Variants in TMEM232 observed in about 807,000 individuals in gnomAD.
TMEM232 encodes the protein transmembrane protein 232.
In TMEM232, 80 loss-of-function variants were observed where a neutral mutation model predicts 78.8. The ratio of observed to expected loss-of-function variants is 1.01; its 90% CI spans 0.85 to 1.22. The LOEUF is 1.22. Ranked by LOEUF, TMEM232 falls within the 50% of genes most tolerant of loss-of-function variation. The pLI, the probability that TMEM232 is intolerant of heterozygous loss-of-function variation, is 0.00. For synonymous variants in TMEM232, 297 were observed against 254.3 expected, an observed-to-expected ratio of 1.17 and a Z score of -1.60; for missense variants, 881 against 742.2, an observed-to-expected ratio of 1.19 and a Z score of -2.17.
chr5:110,624,694 C>T (rs1306078066), intron 7 of TMEM232, among the ~76,000 whole-genome samples: 1 of 151,868 alleles, frequency 6.6e-6, no homozygotes, highest in East Asian at 1.9e-4. Flanking sequence ...AACACTTAGG[C>T]CCAGAAAGGT....
chr5:110,589,536 C>T (rs1779252605), intron 10 of TMEM232, among the ~76,000 whole-genome samples: 1 of 152,114 alleles, frequency 6.6e-6, no homozygotes, highest in Non-Finnish European at 1.5e-5. Context: ...TATAGGGAGG[C>T]AGTTATTAGT....
In TMEM232 at chr5:110,461,921, T is replaced by G. The variant is rs537768521; in HGVS notation, c.1704-37005A>C. On this transcript the variant is annotated intron_variant, in intron 12 of 13. Transcript: ENST00000455884. ...ATGTATTTCAAAATGTTATTGCCCA[T>G]TGACAATGCACCTAGTTATCCAAAA... Among the ~76,000 whole-genome samples the G allele has an allele frequency of 7.2e-5, 11 of 152,190 alleles. No homozygotes were observed. The South Asian group carries it at 2.3e-3, about 32-fold the overall frequency.
chr5:110,509,054 ATG>A (rs1767371788), intron 12 of TMEM232, among the ~76,000 whole-genome samples: 1 of 146,660 alleles, frequency 6.8e-6, no homozygotes, highest in Non-Finnish European at 1.5e-5. Flanking sequence ...ATGTGTATAT[ATG>A]TATATATAAT....
chr5:110,675,062 GAC>G (rs1393687818), intron 1 of TMEM232, among the ~76,000 whole-genome samples: 1 of 145,696 alleles, frequency 6.9e-6, no homozygotes, highest in Admixed American at 6.9e-5. Context: ...TTTATTTTGA[GAC>G]AGAGTCTTCC....
chr5:110,701,886 G>T (rs1283008179), intron 1 of TMEM232, among the ~76,000 whole-genome samples: 1 of 151,950 alleles, frequency 6.6e-6, no homozygotes, highest in South Asian at 2.1e-4. Context: ...GAGAAGTCAT[G>T]AGGTATCCAA....
intron 12 of TMEM232, among the ~76,000 whole-genome samples, chr5:110,500,288 C>CAAA (rs773716425): frequency 0.011 from 766 of 70,466 alleles, 8 homozygotes; most frequent in Middle Eastern, 0.027. Context: ...GACTCTGTCT[C>CAAA]AAAAAAAAAA....
At chr5:110,703,927 CCTA>C (rs1795674615) in intron 1 of TMEM232, among the ~76,000 whole-genome samples, 1 of 152,010 alleles carries the variant, frequency 6.6e-6, no homozygotes, top group African/African-American at 2.4e-5. Context: ...TTTTAGTTAA[CCTA>C]AGAGCAACTC....
At chr5:110,648,576 A>G (rs752479682) in intron 2 of TMEM232, among the ~76,000 whole-genome samples, 5 of 152,052 alleles carry the variant, frequency 3.3e-5, no homozygotes, top group Non-Finnish European at 7.4e-5. Flanking sequence ...TCTTTTTATA[A>G]TGCATAAATT....
intron 12 of TMEM232, among the ~76,000 whole-genome samples, chr5:110,495,165 A>T (rs1765513545): frequency 6.6e-6 from 1 of 151,538 alleles, no homozygotes; most frequent in South Asian, 2.1e-4. Flanking sequence ...AAAATTGAGT[A>T]ATTTTAGAAG....
chr5:110,510,973 T>C (rs919900383), intron 12 of TMEM232, among the ~76,000 whole-genome samples: 1 of 152,178 alleles, frequency 6.6e-6, no homozygotes, highest in African/African-American at 2.4e-5. Flanking sequence ...TAAATCATTC[T>C]ACTATAAAGA....
At chr5:110,664,633 C>A (rs1790303040) in intron 2 of TMEM232, among the ~76,000 whole-genome samples, 1 of 152,204 alleles carries the variant, frequency 6.6e-6, no homozygotes, top group Non-Finnish European at 1.5e-5. Flanking sequence ...CATTTTATTT[C>A]TCCTAGTTCC....
rs868432242 is a variant in TMEM232, at chr5:110,424,930, C to T, written c.1704-14G>A. 6.5e-6 allele frequency: 10 copies of T among 1,533,898 alleles called. 1 individual carries two copies. The Middle Eastern group carries it at 1.2e-3, about 181-fold the overall frequency. On this transcript the variant is annotated splice_polypyrimidine_tract_variant and intron_variant, in intron 12 of 13. Transcript: ENST00000455884. ...GAAGGATGTTCCCTTCAAAAGAGCA[C>T]AAGAACAAATCCAACATTAGGTATA...
At chr5:110,684,353 T>C (rs1401663171) in intron 1 of TMEM232, among the ~76,000 whole-genome samples, 2 of 152,076 alleles carry the variant, frequency 1.3e-5, no homozygotes, top group East Asian at 3.8e-4. Context: ...TAAGAAGAGA[T>C]TTCTGGATAA....
In TMEM232 at chr5:110,627,809, A is replaced by G; in HGVS notation, c.573T>C (p.His191=). 6.5e-7 allele frequency: 1 copy of G among 1,531,418 alleles called. No individual in the cohort carries two copies. 94.9% of individuals were successfully genotyped at this position (1,531,418 alleles called of 1,614,324 possible). Residue 191 remains histidine, a synonymous_variant, in exon 6 of 14, where the codon CAT becomes CAC. Coordinates refer to ENST00000455884, the MANE Select transcript of TMEM232 (RefSeq NM_001039763.4). ...LHGHLESFKQ[H]LLRLQPYLYA... is the part of the protein sequence containing the mutation. ...ATAAATATGGTTGAAGCCTAAGTAA[A>G]TGTTGTTTAAAACTTTCTAGATGAC...
intron 11 of TMEM232, among the ~76,000 whole-genome samples, chr5:110,558,011 T>C (rs1214027718): frequency 2.0e-5 from 3 of 152,200 alleles, no homozygotes; most frequent in Non-Finnish European, 4.4e-5. Flanking sequence ...CTGTGGTATA[T>C]GTTTGGTCTC....
intron 11 of TMEM232, among the ~76,000 whole-genome samples, chr5:110,533,838 A>G (rs1687401655): frequency 6.6e-6 from 1 of 152,146 alleles, no homozygotes; most frequent in Non-Finnish European, 1.5e-5. Context: ...CACCAGGCCT[A>G]ATCGCCACAC....
chr5:110,443,987 T>C (rs2112777726), intron 12 of TMEM232, among the ~76,000 whole-genome samples: 1 of 152,176 alleles, frequency 6.6e-6, no homozygotes, highest in South Asian at 2.1e-4. Flanking sequence ...TACTTATTGC[T>C]CTCTTCTTCT....
intron 1 of TMEM232, among the ~76,000 whole-genome samples, chr5:110,722,190 T>C (rs981688941): frequency 6.6e-6 from 1 of 152,142 alleles, no homozygotes; most frequent in Non-Finnish European, 1.5e-5. Context: ...CCTATATCTT[T>C]AGAAAAATAA....
At chr5:110,671,661 T>G (rs989175985) in intron 1 of TMEM232, among the ~76,000 whole-genome samples, 4 of 152,000 alleles carry the variant, frequency 2.6e-5, no homozygotes, top group South Asian at 2.1e-4. Flanking sequence ...AACCAAACAT[T>G]GCGTATTCTC....
Sources: gnomAD v4.1 joint callset for allele counts (sites outside exome capture counted in the v4.1 genomes callset) on GRCh38, gnomAD v4.1.1 for gene constraint, MANE v1.5 for transcripts, NCBI Gene and HGNC (gene_info 2026-07-23, HGNC 2026-07-21) for gene names.